FBH1: variants seen among roughly 807,000 people sequenced by gnomAD.
FBH1 encodes DNA 3'-5' helicase 1.
In FBH1, 43 loss-of-function variants were observed where a neutral mutation model predicts 115.5. The observed-to-expected ratio is 0.37, with a 90% CI of 0.29 to 0.48. FBH1 has a LOEUF of 0.48. Among genes scored for constraint, FBH1 ranks in the 20% least tolerant of loss-of-function variants. The probability of loss-of-function intolerance (pLI) is 0.99; values close to 1 mark genes in which losing one functional copy is unlikely to be tolerated. For missense variants in FBH1, 1,001 were observed against 1,337.3 expected (o/e 0.75, Z 3.92); for synonymous variants, 524 against 507.8 (o/e 1.03, Z -0.43).
chr10:5,913,763 T>G lies in FBH1; in HGVS notation c.1228T>G (p.Phe410Val), dbSNP rs1831754523. The change falls in exon 7 of 21, where the codon TTC (phenylalanine) becomes GTC (valine). Residue 410 changes from phenylalanine to valine, a missense_variant. Transcript: ENST00000362091. This position sits in a 1 kb window ranked among gnomAD's most constrained non-coding sequence, Gnocchi z 4.4. The part of the protein sequence containing the change: ...NISNRIHYNI[F>V]YCLYLQENSC... ...TTCTGGTAGGATTCACTACAACATT[T>G]TCTATTGCCTATATCTTCAGGAGAA... The G allele has an allele frequency of 6.4e-7, 1 of 1,566,722 alleles. No individual in the cohort carries two copies. The highest frequency in any genetic ancestry group is 1.4e-5 in the African/African-American group (1 of 71,596).
In FBH1 at chr10:5,894,410, G is replaced by A. The variant is rs915170302; in HGVS notation, c.1+4064G>A. 3.1e-6 allele frequency: 5 copies of A among 1,611,464 alleles called. No homozygotes were observed. In the African/African-American group the frequency reaches 4.0e-5, roughly 13 times the overall value. On this transcript the variant is annotated intron_variant, in intron 1 of 20. Coordinates refer to ENST00000362091, the MANE Select transcript of FBH1 (RefSeq NM_178150.3). The stretch of plus-strand genomic sequence containing the variant: ...GCTGCTTTCAAGGTGTCTAGATACA[G>A]AGTGAAGAATGTCACAGTAGGAAGT...
rs1833385268 is a variant in FBH1, at chr10:5,936,759, C to T, written c.2961+172C>T. 2.4e-6 allele frequency: 2 copies of T among 844,022 alleles called. No homozygotes were observed. Among genetic ancestry groups the T allele is most frequent in the Non-Finnish European group, 3.6e-6 (2 of 555,672 alleles). The allele number at this position is 844,022 out of a possible 1,614,324, so 52.3% of individuals were successfully genotyped here. ...TGTGGTCTGTCCCAGGGTCAGAGGT[C>T]AGGGCACGTGATGCTGCCTGGCTGT... On this transcript the variant is annotated intron_variant, in intron 20 of 20. Coordinates refer to ENST00000362091, the MANE Select transcript of FBH1 (RefSeq NM_178150.3). The surrounding 1 kb of genome is among the most constrained non-coding windows in gnomAD (Gnocchi z 5.6).
At chr10:5,903,314 T>C in intron 2 of FBH1, 139 bp downstream of exon 2, 4 of 593,288 alleles carry the variant, frequency 6.7e-6, no homozygotes, top group Non-Finnish European at 1.0e-5. Flanking sequence ...CTTTTTTTAT[T>C]GTGAGTTTTC....
chr10:5,925,844 T>C lies in FBH1; in HGVS notation c.2722+352T>C. On this transcript the variant is annotated intron_variant, in intron 18 of 20. Transcript: ENST00000362091. The surrounding 1 kb of genome is among the most constrained non-coding windows in gnomAD (Gnocchi z 4.6). Reference sequence around the variant, plus strand: ...TAAAATATAGTTTACTTGCTTACCATGGCATTTTTTTCCTTTCATTAATTC... The same window carrying C: ...TAAAATATAGTTTACTTGCTTACCACGGCATTTTTTTCCTTTCATTAATTC... Among the ~76,000 whole-genome samples the C allele has an allele frequency of 6.6e-6, 1 of 152,210 alleles. No individual in the cohort carries two copies. The highest frequency in any genetic ancestry group is 1.9e-4 in the East Asian group (1 of 5,192).
At chr10:5,926,128 A>C (rs61834502) in intron 18 of FBH1, among the ~76,000 whole-genome samples, 43,225 of 148,880 alleles carry the variant, frequency 0.29, 6,751 homozygotes, top group Non-Finnish European at 0.35. Flanking sequence ...TCTTATTATT[A>C]TTATTATTTT....
At position 5,914,468 on chromosome 10, in the gene FBH1, G is replaced by C. The variant is rs1429875370; in HGVS notation, c.1396+199G>C. Among the ~76,000 whole-genome samples the C allele has an allele frequency of 6.6e-6, 1 of 152,234 alleles. No individual in the cohort carries two copies. The highest frequency in any genetic ancestry group is 1.5e-5 in the Non-Finnish European group (1 of 68,038). On this transcript the variant is annotated intron_variant, in intron 8 of 20. Transcript: ENST00000362091. The surrounding 1 kb of genome is among the most constrained non-coding windows in gnomAD (Gnocchi z 5.2). The stretch of plus-strand genomic sequence containing the variant: ...CCGGACCACTCCATGAACATCCACA[G>C]AATTCCTGTTGAGACAGGTAGTTCA...
At chr10:5,926,155 C>G (rs1832640864) in intron 18 of FBH1, among the ~76,000 whole-genome samples, 1 of 152,156 alleles carries the variant, frequency 6.6e-6, no homozygotes, top group Non-Finnish European at 1.5e-5. Flanking sequence ...GAGTCTCACT[C>G]TGTCACCCAG....
Position 5,923,930 on chromosome 10 carries a change from A to G in FBH1, c.2398+234A>G, listed in dbSNP as rs1420296875. On this transcript the variant is annotated intron_variant, in intron 16 of 20. Coordinates refer to ENST00000362091, the MANE Select transcript of FBH1 (RefSeq NM_178150.3). The surrounding 1 kb of genome is among the most constrained non-coding windows in gnomAD (Gnocchi z 5.7). ...TCAGTCTCTTTCCAACACTGGTCCC[A>G]TAGACTGTCTTCCCCTGCATCCTTC... The G allele has an allele frequency of 6.9e-6, 4 of 578,590 alleles. No individual in the cohort carries two copies. The highest frequency in any genetic ancestry group is 9.2e-6 in the Non-Finnish European group (3 of 327,018). 35.8% of individuals were successfully genotyped at this position (578,590 alleles called of 1,614,324 possible). A position where few individuals can be genotyped will look rare whatever the true frequency, so the allele number is the denominator to read the frequency against.
At position 5,914,844 on chromosome 10, in the gene FBH1, TAAC is replaced by T. The variant is rs375881185; in HGVS notation, c.1397-545_1397-543del. Among the ~76,000 whole-genome samples the T allele has an allele frequency of 2.0e-5, 3 of 152,194 alleles. No homozygotes were observed. Among genetic ancestry groups the T allele is most frequent in the African/African-American group, 7.2e-5 (3 of 41,448 alleles). ...CTCCTTTTGTGGCTAAATACCCTGCTAACAACAACAACAACATTTTGAATGCCT... is the reference window on the plus strand; with the variant it reads ...CTCCTTTTGTGGCTAAATACCCTGCTAACAACAACAACATTTTGAATGCCT... On this transcript the variant is annotated intron_variant, in intron 8 of 20. Coordinates refer to ENST00000362091, the MANE Select transcript of FBH1 (RefSeq NM_178150.3). The surrounding 1 kb of genome is among the most constrained non-coding windows in gnomAD (Gnocchi z 5.2).
chr10:5,916,063 AT>A, intron 9 of FBH1, 170 bp from the exon 10 acceptor site: 1 of 627,700 alleles, frequency 1.6e-6, no homozygotes, highest in South Asian at 2.0e-5. Context: ...CCTGAAAGCC[AT>A]TTCCAGTCAG....
In FBH1 at chr10:5,913,976, A is replaced by G. The variant is rs1374954530; in HGVS notation, c.1304+137A>G. 7.3e-6 allele frequency: 6 copies of G among 827,404 alleles called. No individual in the cohort carries two copies. The highest frequency in any genetic ancestry group is 1.2e-5 in the Non-Finnish European group (6 of 512,194). 51.3% of individuals were successfully genotyped at this position (827,404 alleles called of 1,614,324 possible). ...AAATTGTGTAAAACTCACCCATCCT[A>G]AGAGTGTGATTCAGTGACATTGCCT... On this transcript the variant is annotated intron_variant, in intron 7 of 20. Transcript: ENST00000362091. The surrounding 1 kb of genome is among the most constrained non-coding windows in gnomAD (Gnocchi z 4.4).
At position 5,937,319 on chromosome 10, in the gene FBH1, C is replaced by A; in HGVS notation, c.*39C>A. ...GTTCTCCGCAGTGCAGAGCAGCTTG[C>A]CGAGGACCCCGCGTGAAGAAAGCCA... On this transcript the variant is annotated 3_prime_UTR_variant, in exon 21 of 21. Transcript: ENST00000362091. The A allele has an allele frequency of 1.4e-6, 2 of 1,464,308 alleles. No homozygotes were observed. The highest frequency in any genetic ancestry group is 1.8e-6 in the Non-Finnish European group (2 of 1,100,794). The allele number at this position is 1,464,308 out of a possible 1,614,324, so 90.7% of individuals were successfully genotyped here.
intron 1 of FBH1, 67 bp downstream of exon 1, chr10:5,890,413 C>T (rs1254985391): frequency 2.8e-6 from 1 of 356,988 alleles, no homozygotes; most frequent in Admixed American, 4.8e-5. Flanking sequence ...ACTTAACCTC[C>T]GGGGTCCTGC....
chr10:5,936,991 ACAT>A lies in FBH1; in HGVS notation c.2962-116_2962-114del. On this transcript the variant is annotated intron_variant, in intron 20 of 20. Transcript: ENST00000362091. This position sits in a 1 kb window ranked among gnomAD's most constrained non-coding sequence, Gnocchi z 5.6. ...TCTGAGGATGTGCACCCCTCTGAAAACATCAGAATCCAAATGCGTTGTCCCTGG... is the reference window on the plus strand; with the variant it reads ...TCTGAGGATGTGCACCCCTCTGAAAACAGAATCCAAATGCGTTGTCCCTGG... 8.4e-7 allele frequency: 1 copy of A among 1,185,988 alleles called. No homozygotes were observed. The highest frequency in any genetic ancestry group is 1.2e-6 in the Non-Finnish European group (1 of 859,320). 73.5% of individuals were successfully genotyped at this position (1,185,988 alleles called of 1,614,324 possible). A position where few individuals can be genotyped will look rare whatever the true frequency, so the allele number is the denominator to read the frequency against.
Position 5,910,280 on chromosome 10 carries a change from TCA to T in FBH1, c.1021-657_1021-656del, listed in dbSNP as rs1491352987. On this transcript the variant is annotated intron_variant, in intron 5 of 20. Transcript: ENST00000362091. The surrounding 1 kb of genome is among the most constrained non-coding windows in gnomAD (Gnocchi z 4.8). Reference sequence around the variant, plus strand: ...CTGTGTGACAGAGTCAGACTTTGTCTCAAAAAAAAAAAAAGATGAAGATCTGT... The same window carrying T: ...CTGTGTGACAGAGTCAGACTTTGTCTAAAAAAAAAAAAGATGAAGATCTGT... Among the ~76,000 whole-genome samples the T allele has an allele frequency of 8.1e-5, 12 of 148,862 alleles. No individual in the cohort carries two copies. Among genetic ancestry groups the T allele is most frequent in the African/African-American group, 3.0e-4 (12 of 40,086 alleles).
rs1843270733 is a variant in FBH1, at chr10:5,900,367, A to T, written c.2-2653A>T. On this transcript the variant is annotated intron_variant, in intron 1 of 20. Coordinates refer to ENST00000362091, the MANE Select transcript of FBH1 (RefSeq NM_178150.3). This position sits in a 1 kb window ranked among gnomAD's most constrained non-coding sequence, Gnocchi z 4.2. ...GGTGGTATGGCCGTAGACCTATCAG[A>T]CTTAGAGACCTGAGGTGCCCTGAAG... Among the ~76,000 whole-genome samples the T allele has an allele frequency of 6.6e-6, 1 of 152,232 alleles. No homozygotes were observed. Among genetic ancestry groups the T allele is most frequent in the South Asian group, 2.1e-4 (1 of 4,834 alleles).
chr10:5,936,277 A>G lies in FBH1; in HGVS notation c.2830-179A>G, dbSNP rs765223127. 1.9e-6 allele frequency: 1 copy of G among 537,326 alleles called. No individual in the cohort carries two copies. Among genetic ancestry groups the G allele is most frequent in the Non-Finnish European group, 3.3e-6 (1 of 304,458 alleles). 33.3% of individuals were successfully genotyped at this position (537,326 alleles called of 1,614,324 possible). ...AATTGGACTGTCAGTTGGACTGTCG[A>G]TAGCTTTGGAGGCAGGGAAAAGTTA... On this transcript the variant is annotated intron_variant, in intron 19 of 20. Transcript: ENST00000362091. This position sits in a 1 kb window ranked among gnomAD's most constrained non-coding sequence, Gnocchi z 5.6.
intron 1 of FBH1, among the ~76,000 whole-genome samples, chr10:5,901,297 G>A (rs1295996953): frequency 6.6e-6 from 1 of 151,230 alleles, no homozygotes; most frequent in Non-Finnish European, 1.5e-5. Flanking sequence ...CTCAGCCTCC[G>A]GGGCATATGC....
intron 1 of FBH1, among the ~76,000 whole-genome samples, chr10:5,896,836 G>A (rs1843037598): frequency 1.3e-5 from 2 of 152,146 alleles, no homozygotes; most frequent in African/African-American, 4.8e-5. Context: ...CTTTACAGGA[G>A]GTGTAAAGTG....
Sources: allele counts gnomAD v4.1 joint callset (sites outside exome capture counted in the v4.1 genomes callset), GRCh38; gene constraint gnomAD v4.1.1; non-coding constraint Gnocchi (gnomAD v3.1); transcripts MANE v1.5; gene names NCBI Gene and HGNC (gene_info 2026-07-23, HGNC 2026-07-21).